The following LRFN2 variants were observed in gnomAD, a reference collection of about 807,000 sequenced individuals.
LRFN2 encodes leucine rich repeat and fibronectin type III domain containing 2, also known as leucine-rich repeat and fibronectin type-III domain-containing protein 2.
In LRFN2, 18 loss-of-function variants were observed where a neutral mutation model predicts 37.3. The observed-to-expected ratio is 0.48, with a 90% CI of 0.33 to 0.72. The LOEUF (loss-of-function observed/expected upper bound fraction) is 0.72. Ranked by LOEUF, LRFN2 falls within the 30% of genes least tolerant of loss-of-function variation. The probability of loss-of-function intolerance (pLI) is 0.02; values close to 1 mark genes in which losing one functional copy is unlikely to be tolerated. For synonymous variants in LRFN2, 556 were observed against 466.6 expected, an observed-to-expected ratio of 1.19 and a Z score of -2.47; for missense variants, 1,006 against 1,060.7, an observed-to-expected ratio of 0.95 and a Z score of 0.72.
intron 1 of LRFN2, among the ~76,000 whole-genome samples, chr6:40,530,602 C>A (rs1328507689): frequency 1.3e-5 from 2 of 151,982 alleles, no homozygotes; most frequent in Admixed American, 6.6e-5. Flanking sequence ...AGGATTGCCC[C>A]TCTGCTTGCC....
At chr6:40,565,919 A>G (rs1437334697) in intron 1 of LRFN2, among the ~76,000 whole-genome samples, 11 of 152,088 alleles carry the variant, frequency 7.2e-5, no homozygotes, top group Non-Finnish European at 1.5e-4. Context: ...TCTGCACAGC[A>G]AAAGAAACCA....
chr6:40,498,129 G>T (rs1453996422), intron 1 of LRFN2, among the ~76,000 whole-genome samples: 4 of 152,156 alleles, frequency 2.6e-5, no homozygotes, highest in Non-Finnish European at 5.9e-5. Flanking sequence ...CTATAGATCC[G>T]TGTCCACCGA....
intron 1 of LRFN2, among the ~76,000 whole-genome samples, chr6:40,471,824 G>A (rs1277560956): frequency 3.9e-5 from 6 of 152,160 alleles, no homozygotes; most frequent in African/African-American, 1.4e-4. Context: ...CCCACAACCA[G>A]ATATATAGTT....
intron 1 of LRFN2, among the ~76,000 whole-genome samples, chr6:40,538,757 A>G (rs1766499134): frequency 6.6e-6 from 1 of 152,224 alleles, no homozygotes; most frequent in Admixed American, 6.5e-5. Flanking sequence ...CCGGTCTCAG[A>G]TATGCCCGTT....
chr6:40,562,495 C>T (rs1767016706), intron 1 of LRFN2, among the ~76,000 whole-genome samples: 3 of 152,142 alleles, frequency 2.0e-5, no homozygotes, highest in South Asian at 2.1e-4. Flanking sequence ...GAAGAGATGA[C>T]GTTTCCAATT....
intron 1 of LRFN2, among the ~76,000 whole-genome samples, chr6:40,536,752 G>T (rs1407851262): frequency 6.6e-6 from 1 of 152,174 alleles, no homozygotes; most frequent in Admixed American, 6.5e-5. Flanking sequence ...GAGAAGAATT[G>T]CCAGACAGAG....
At chr6:40,408,654 C>A (rs370397660) in intron 2 of LRFN2, among the ~76,000 whole-genome samples, 1 of 152,136 alleles carries the variant, frequency 6.6e-6, no homozygotes, top group Non-Finnish European at 1.5e-5. Context: ...GATTACTTAC[C>A]CTCTGCCTCA....
At chr6:40,448,640 C>T (rs967409517) in intron 1 of LRFN2, among the ~76,000 whole-genome samples, 10 of 152,070 alleles carry the variant, frequency 6.6e-5, no homozygotes, top group African/African-American at 2.2e-4. Flanking sequence ...ACCAAAGGAC[C>T]GAATCGCTAA....
chr6:40,431,362 T>A (rs1763476266), intron 2 of LRFN2, among the ~76,000 whole-genome samples: 1 of 152,170 alleles, frequency 6.6e-6, no homozygotes, highest in South Asian at 2.1e-4. Flanking sequence ...GTCAGAACCT[T>A]CAGCCAAGAG....
chr6:40,529,383 A>T (rs536042702), intron 1 of LRFN2, among the ~76,000 whole-genome samples: 18 of 152,336 alleles, frequency 1.2e-4, no homozygotes, highest in African/African-American at 4.1e-4. Flanking sequence ...AGAAAATGTG[A>T]TATTTATTGC....
intron 1 of LRFN2, among the ~76,000 whole-genome samples, chr6:40,434,472 CT>C (rs570406562): frequency 0.02 from 3,063 of 149,654 alleles, 104 homozygotes; most frequent in African/African-American, 0.07. Context: ...CTCAAATTGC[CT>C]TTTTTTTTCT....
At chr6:40,536,454 T>A (rs968489124) in intron 1 of LRFN2, among the ~76,000 whole-genome samples, 2 of 152,208 alleles carry the variant, frequency 1.3e-5, no homozygotes, top group African/African-American at 4.8e-5. Context: ...ACAGTGTGAC[T>A]TAACAGAATG....
In LRFN2 at chr6:40,516,127, T is replaced by C. The variant is rs76822361; in HGVS notation, c.-19+70814A>G. Among the ~76,000 whole-genome samples, 1,414 of 151,974 alleles carry C rather than the reference T, an allele frequency of 9.3e-3. 18 individuals are homozygous for C. The highest frequency in any genetic ancestry group is 0.027 in the East Asian group (137 of 5,130). Reference sequence around the variant, plus strand: ...TTTCTGGGCCCAGCTCCCAAATAAATTACTTAGACTCAAACTCTGGTCTCA... The same window carrying C: ...TTTCTGGGCCCAGCTCCCAAATAAACTACTTAGACTCAAACTCTGGTCTCA... On this transcript the variant is annotated intron_variant, in intron 1 of 2. Transcript: ENST00000338305.
Position 40,555,452 on chromosome 6 carries a change from C to T in LRFN2, c.-19+31489G>A, listed in dbSNP as rs546552478. On this transcript the variant is annotated intron_variant, in intron 1 of 2. Coordinates refer to ENST00000338305, the MANE Select transcript of LRFN2 (RefSeq NM_020737.3). ...CTTTCTCAGAAGTATTGATCACAGA[C>T]GAACAAGTGGCAGCTACGGATGGGC... 4.6e-5 allele frequency among the ~76,000 whole-genome samples: 7 copies of T among 152,298 alleles called. No homozygotes were observed. In the East Asian group the frequency reaches 1.4e-3, roughly 29 times the overall value.
chr6:40,433,519 T>C lies in LRFN2; in HGVS notation c.-18-388A>G, dbSNP rs151311640. The stretch of plus-strand genomic sequence containing the variant: ...TCTGTTGGATGGATGGATGGATGGA[T>C]GGGTGGATGGATGGATGGATGGATG... On this transcript the variant is annotated intron_variant, in intron 1 of 2. Transcript: ENST00000338305. 2.4e-3 allele frequency among the ~76,000 whole-genome samples: 368 copies of C among 152,150 alleles called. 3 individuals are homozygous for C. Among genetic ancestry groups the C allele is most frequent in the African/African-American group, 8.3e-3 (345 of 41,508 alleles).
intron 2 of LRFN2, among the ~76,000 whole-genome samples, chr6:40,401,222 C>T (rs991245511): frequency 2.6e-5 from 4 of 152,192 alleles, no homozygotes; most frequent in African/African-American, 4.8e-5. Context: ...CACTCTCCCC[C>T]TCTCTCATGG....
rs1217137012 is a variant in LRFN2 at position 40,394,988 on chromosome 6, C to T, written c.1401-2076G>A. ...TTTTTTTTTGTAAATTATCCAGTCT[C>T]GTGTATGTCTTTATCAGCAGCGTGA... On this transcript the variant is annotated intron_variant, in intron 2 of 2. Coordinates refer to ENST00000338305, the MANE Select transcript of LRFN2 (RefSeq NM_020737.3). 2.1e-5 allele frequency among the ~76,000 whole-genome samples: 3 copies of T among 141,954 alleles called. No individual in the cohort carries two copies. The Admixed American group carries it at 2.2e-4, about 10-fold the overall frequency. The allele number at this position is 141,954 out of a possible 152,430, so 93.1% of individuals were successfully genotyped here.
chr6:40,493,073 T>C (rs191445290), intron 1 of LRFN2, among the ~76,000 whole-genome samples: 1 of 152,006 alleles, frequency 6.6e-6, no homozygotes, highest in Non-Finnish European at 1.5e-5. Flanking sequence ...AAGGAGACTA[T>C]GACATATGAA....
In LRFN2 at chr6:40,462,307, T is replaced by C. The variant is rs184946624; in HGVS notation, c.-18-29176A>G. ...TGGGATAGTGGCTGGTAGGAATGTGTGGATTACAAATGAAGCTACACAAGT... is the reference window on the plus strand; with the variant it reads ...TGGGATAGTGGCTGGTAGGAATGTGCGGATTACAAATGAAGCTACACAAGT... On this transcript the variant is annotated intron_variant, in intron 1 of 2. Coordinates refer to ENST00000338305, the MANE Select transcript of LRFN2 (RefSeq NM_020737.3). Among the ~76,000 whole-genome samples the C allele has an allele frequency of 2.6e-3, 394 of 152,268 alleles. 1 individual carries two copies. The highest frequency in any genetic ancestry group is 0.011 in the South Asian group (52 of 4,814).
Sources: gnomAD v4.1 joint callset for allele counts (sites outside exome capture counted in the v4.1 genomes callset) on GRCh38, gnomAD v4.1.1 for gene constraint, MANE v1.5 for transcripts, NCBI Gene and HGNC (gene_info 2026-07-23, HGNC 2026-07-21) for gene names.